NUDT3: variants seen among roughly 807,000 people sequenced by gnomAD.
The protein encoded by NUDT3 is diphosphoinositol polyphosphate phosphohydrolase 1.
In NUDT3, 9 loss-of-function variants were observed where a neutral mutation model predicts 23.6. That is an observed-to-expected ratio of 0.38 (90% CI 0.23 to 0.66). The LOEUF (loss-of-function observed/expected upper bound fraction) is 0.66, where lower values mean the gene tolerates loss of function less well. Among genes scored for constraint, NUDT3 ranks in the 30% least tolerant of loss-of-function variants. The probability of loss-of-function intolerance (pLI) is 0.52; values close to 1 mark genes in which losing one functional copy is unlikely to be tolerated. For missense variants in NUDT3, 172 were observed against 218.5 expected, an observed-to-expected ratio of 0.79 and a Z score of 1.34; for synonymous variants, 86 against 82.6, an observed-to-expected ratio of 1.04 and a Z score of -0.22.
At chr6:34,373,929 G>T (rs1267326985) in intron 1 of NUDT3, among the ~76,000 whole-genome samples, 1 of 152,024 alleles carries the variant, frequency 6.6e-6, no homozygotes, top group African/African-American at 2.4e-5. Flanking sequence ...CAAGGCGGGC[G>T]GATCATCTGA....
At chr6:34,334,063 C>A (rs903985942) in intron 2 of NUDT3, among the ~76,000 whole-genome samples, 1 of 152,228 alleles carries the variant, frequency 6.6e-6, no homozygotes, top group Non-Finnish European at 1.5e-5. Context: ...CCTTGAGCCA[C>A]TCTGCATTTC....
At chr6:34,344,710 G>A (rs1467951009) in intron 1 of NUDT3, among the ~76,000 whole-genome samples, 1 of 151,922 alleles carries the variant, frequency 6.6e-6, no homozygotes, top group Non-Finnish European at 1.5e-5. Flanking sequence ...GGAGTGCAGT[G>A]GTGCAATCTT....
At chr6:34,325,107 C>A (rs962237707) in intron 2 of NUDT3, among the ~76,000 whole-genome samples, 5 of 152,188 alleles carry the variant, frequency 3.3e-5, no homozygotes, top group African/African-American at 1.2e-4. Flanking sequence ...TACTTAAGGG[C>A]CTGAAAGGTA....
chr6:34,380,016 T>C (rs753816533), intron 1 of NUDT3, among the ~76,000 whole-genome samples: 73 of 151,812 alleles, frequency 4.8e-4, no homozygotes, highest in African/African-American at 1.7e-3. Flanking sequence ...AAAAAAAAAA[T>C]AGTAAATACA....
At chr6:34,360,643 G>A (rs995851851) in intron 1 of NUDT3, among the ~76,000 whole-genome samples, 3 of 152,150 alleles carry the variant, frequency 2.0e-5, no homozygotes, top group African/African-American at 7.2e-5. Context: ...TGACCATTTA[G>A]TAAGACTGGA....
At chr6:34,303,697 C>A (rs1157310988) in intron 2 of NUDT3, among the ~76,000 whole-genome samples, 2 of 152,112 alleles carry the variant, frequency 1.3e-5, no homozygotes, top group Admixed American at 1.3e-4. Flanking sequence ...AGAATTTGTG[C>A]AAATTCTCAT....
chr6:34,352,944 G>T (rs967485889), intron 1 of NUDT3, among the ~76,000 whole-genome samples: 2 of 152,074 alleles, frequency 1.3e-5, no homozygotes, highest in African/African-American at 4.8e-5. Flanking sequence ...ACTGATAGAG[G>T]TATATGTGTC....
At chr6:34,316,804 C>G (rs1212023623) in intron 2 of NUDT3, among the ~76,000 whole-genome samples, 1 of 152,048 alleles carries the variant, frequency 6.6e-6, no homozygotes, top group Non-Finnish European at 1.5e-5. Flanking sequence ...AGCTGAGGTC[C>G]CAGAGGGAGA....
At chr6:34,299,679 G>A (rs1162023445) in intron 2 of NUDT3, among the ~76,000 whole-genome samples, 1 of 151,252 alleles carries the variant, frequency 6.6e-6, no homozygotes, top group African/African-American at 2.4e-5. Context: ...ACTGAGGCAG[G>A]TGGATCACCT....
In NUDT3 at chr6:34,321,473, G is replaced by A. The variant is rs548810210; in HGVS notation, c.210+20389C>T. ...ATAATAATAAAATAATAATAATAAC[G>A]TGTTGTCTCCTTCATCATTAATAGA... On this transcript the variant is annotated intron_variant, in intron 2 of 4. Transcript: ENST00000607016. Among the ~76,000 whole-genome samples the A allele has an allele frequency of 3.8e-4, 57 of 151,918 alleles. 3 individuals carry two copies. Among genetic ancestry groups the A allele is most frequent in the Middle Eastern group, 3.4e-3 (1 of 294 alleles).
chr6:34,337,770 C>T (rs1764230691), intron 2 of NUDT3, among the ~76,000 whole-genome samples: 1 of 152,176 alleles, frequency 6.6e-6, no homozygotes, highest in South Asian at 2.1e-4. Flanking sequence ...CAGAGATATT[C>T]CAACCACAAC....
chr6:34,329,893 T>A (rs1036798756), intron 2 of NUDT3, among the ~76,000 whole-genome samples: 1 of 152,122 alleles, frequency 6.6e-6, no homozygotes, highest in Non-Finnish European at 1.5e-5. Flanking sequence ...AGTGATAACA[T>A]GTGGTGTTTG....
chr6:34,332,604 T>C (rs760612274), intron 2 of NUDT3, among the ~76,000 whole-genome samples: 18 of 152,194 alleles, frequency 1.2e-4, no homozygotes, highest in Non-Finnish European at 1.8e-4. Flanking sequence ...AGTGTTTACA[T>C]TGCATGAGGT....
intron 2 of NUDT3, among the ~76,000 whole-genome samples, chr6:34,309,535 C>T (rs1175656983): frequency 6.6e-6 from 1 of 151,650 alleles, no homozygotes; most frequent in Non-Finnish European, 1.5e-5. Context: ...AAAATTAGAA[C>T]AGAAATCAAA....
chr6:34,356,683 G>T (rs560644221), intron 1 of NUDT3, among the ~76,000 whole-genome samples: 2 of 151,884 alleles, frequency 1.3e-5, no homozygotes, highest in Admixed American at 1.3e-4. Context: ...TCACTAATTT[G>T]GGGAATAATG....
At chr6:34,312,161 G>A (rs1433039822) in intron 2 of NUDT3, among the ~76,000 whole-genome samples, 2 of 152,124 alleles carry the variant, frequency 1.3e-5, no homozygotes, top group Non-Finnish European at 2.9e-5. Flanking sequence ...CAGTACTTTG[G>A]GAGGCTGAGG....
intron 1 of NUDT3, among the ~76,000 whole-genome samples, chr6:34,366,839 CACTTTT>C (rs1454501028): frequency 6.6e-6 from 1 of 152,036 alleles, no homozygotes; most frequent in African/African-American, 2.4e-5. Context: ...CTGAACTGTA[CACTTTT>C]AAATACCTAA....
intron 1 of NUDT3, among the ~76,000 whole-genome samples, chr6:34,385,029 CAAA>C (rs55719137): frequency 1.2e-4 from 13 of 110,826 alleles, no homozygotes; most frequent in Admixed American, 4.3e-4. Flanking sequence ...ACCCTGCCTC[CAAA>C]AAAAAAAAAA....
chr6:34,390,225 C>G (rs913416056), intron 1 of NUDT3, among the ~76,000 whole-genome samples: 3 of 149,206 alleles, frequency 2.0e-5, no homozygotes, highest in African/African-American at 7.4e-5. Flanking sequence ...ACCTGGGAGG[C>G]AGAGGTTGCA....
Sources: gnomAD v4.1 joint callset for allele counts (sites outside exome capture counted in the v4.1 genomes callset) on GRCh38, gnomAD v4.1.1 for gene constraint, MANE v1.5 for transcripts, NCBI Gene and HGNC (gene_info 2026-07-23, HGNC 2026-07-21) for gene names.